The following DENND4A variants were observed in gnomAD, a reference collection of about 807,000 sequenced individuals.
The protein encoded by DENND4A is DENN domain containing 4A.
In DENND4A, 70 loss-of-function variants were observed where a neutral mutation model predicts 199.3. The ratio of observed to expected loss-of-function variants is 0.35; its 90% CI spans 0.29 to 0.43. DENND4A has a LOEUF of 0.43. Ranked by LOEUF, DENND4A falls within the 20% of genes least tolerant of loss-of-function variation. The probability of loss-of-function intolerance (pLI) is 1.00; values close to 1 mark genes in which losing one functional copy is unlikely to be tolerated. For synonymous variants in DENND4A, 686 were observed against 766.9 expected (o/e 0.89, Z 1.74); for missense variants, 1,723 against 2,255.8 (o/e 0.76, Z 4.78).
intron 12 of DENND4A, 111 bp from the exon 13 acceptor site, chr15:65,718,107 G>T: frequency 1.3e-6 from 1 of 759,456 alleles, no homozygotes; most frequent in Non-Finnish European, 2.1e-6. Context: ...TCAACTCTTT[G>T]TTTACATAAC....
At chr15:65,749,364 A>G (rs1335210632) in intron 4 of DENND4A, among the ~76,000 whole-genome samples, 1 of 152,184 alleles carries the variant, frequency 6.6e-6, no homozygotes, top group Non-Finnish European at 1.5e-5. Context: ...TGGGGAGAAA[A>G]TACCTATTCA....
At chr15:65,727,716 T>C (rs950791113) in intron 11 of DENND4A, 1 of 209,130 alleles carries the variant, frequency 4.8e-6, no homozygotes, top group Non-Finnish European at 9.9e-6. Context: ...ATCATAGTTA[T>C]TATAAACATG....
rs970645122 is a variant in DENND4A, at chr15:65,702,781, T to C, written c.2223+92A>G. On this transcript the variant is annotated intron_variant, in intron 16 of 32. Transcript: ENST00000443035. ...GAACATAATAATCTAGTAATAGTTATATATGAAGTGATAAAGCATATTACG... is the reference window on the plus strand; with the variant it reads ...GAACATAATAATCTAGTAATAGTTACATATGAAGTGATAAAGCATATTACG... The C allele has an allele frequency of 1.1e-5, 13 of 1,208,726 alleles. No homozygotes were observed. The South Asian group carries it at 1.3e-4, about 12-fold the overall frequency. The allele number at this position is 1,208,726 out of a possible 1,614,324, so 74.9% of individuals were successfully genotyped here.
Position 65,752,281 on chromosome 15 carries a change from CAAAAAAAAAAAAAAAAAAAA to C in DENND4A, c.561+78_561+97del, listed in dbSNP as rs61418354. On this transcript the variant is annotated intron_variant, in intron 4 of 32. Transcript: ENST00000443035. ...TCTGTAATTAAACTATGCTGTTTTC[CAAAAAAAAAAAAAAAAAAAA>C]AAAAAAAAAAAAGATGTATTTAAAA... is the stretch of plus-strand genomic sequence containing the variant. 8.1e-5 allele frequency: 22 copies of C among 272,674 alleles called. 1 individual carries two copies. Among genetic ancestry groups the C allele is most frequent in the Middle Eastern group, 1.4e-3 (1 of 708 alleles). 16.9% of individuals were successfully genotyped at this position (272,674 alleles called of 1,614,324 possible).
In DENND4A at chr15:65,700,536, A is replaced by G. The variant is rs1255198157; in HGVS notation, c.2833+8T>C. ...CTATAATAAATGTATACATAAGCAT[A>G]CACAAACCTGTACTAGATCTATCAT... On this transcript the variant is annotated splice_region_variant and intron_variant, in intron 20 of 32. Transcript: ENST00000443035. The G allele has an allele frequency of 2.1e-6, 3 of 1,460,890 alleles. No individual in the cohort carries two copies. The highest frequency in any genetic ancestry group is 5.0e-5 in the Admixed American group (2 of 40,310). The allele number at this position is 1,460,890 out of a possible 1,614,324, so 90.5% of individuals were successfully genotyped here.
At chr15:65,754,432 TA>T (rs1353096608) in intron 3 of DENND4A, among the ~76,000 whole-genome samples, 1 of 152,186 alleles carries the variant, frequency 6.6e-6, no homozygotes, top group African/African-American at 2.4e-5. Flanking sequence ...CTGAGCCTTA[TA>T]GTCAGCTATA....
intron 24 of DENND4A, 25 bp from the exon 25 acceptor site, chr15:65,671,911 ACAGAAAC>A (rs1353473750): frequency 1.5e-6 from 2 of 1,341,038 alleles, no homozygotes; most frequent in Non-Finnish European, 2.1e-6. Context: ...AAAACAAAGA[ACAGAAAC>A]CATTAAAATT....
intron 16 of DENND4A, 33 bp from the exon 17 acceptor site, chr15:65,702,544 T>G: frequency 6.6e-7 from 1 of 1,514,748 alleles, no homozygotes; most frequent in Non-Finnish European, 9.0e-7. Flanking sequence ...ACTAATAAAT[T>G]TATGCACTTA....
intron 10 of DENND4A, 88 bp from the exon 11 acceptor site, chr15:65,729,335 A>G: frequency 6.9e-7 from 1 of 1,445,752 alleles, no homozygotes. Flanking sequence ...TCTTTTAAGT[A>G]TTATCTAAAG....
chr15:65,718,122 T>C (rs2075466258), intron 12 of DENND4A, 126 bp from the exon 13 acceptor site: 1 of 697,950 alleles, frequency 1.4e-6, no homozygotes, highest in Non-Finnish European at 2.3e-6. Context: ...CATAACTTAA[T>C]CATACGTAAA....
intron 24 of DENND4A, among the ~76,000 whole-genome samples, chr15:65,674,787 A>G (rs1330665006): frequency 2.6e-5 from 4 of 152,154 alleles, no homozygotes; most frequent in Non-Finnish European, 1.5e-5. Flanking sequence ...TTTAAAATAG[A>G]TAACATAAAA....
chr15:65,725,538 A>G (rs1043780271), intron 11 of DENND4A, among the ~76,000 whole-genome samples: 2 of 152,012 alleles, frequency 1.3e-5, no homozygotes, highest in Non-Finnish European at 2.9e-5. Flanking sequence ...TTAGCCAGGT[A>G]TGGTGGCGGG....
chr15:65,737,549 C>G (rs150891852), intron 7 of DENND4A, among the ~76,000 whole-genome samples, 158 bp downstream of exon 7: 11 of 151,972 alleles, frequency 7.2e-5, no homozygotes, highest in African/African-American at 2.4e-4. Context: ...AGACTACAAA[C>G]ATACAATGGA....
intron 15 of DENND4A, among the ~76,000 whole-genome samples, chr15:65,703,974 T>A (rs1000929360): frequency 6.6e-6 from 1 of 152,252 alleles, no homozygotes; most frequent in Admixed American, 6.5e-5. Context: ...CACATAGTTT[T>A]AATTAAGAAG....
chr15:65,717,736 A>G (rs1205427367), intron 13 of DENND4A, 42 bp downstream of exon 13: 7 of 1,476,670 alleles, frequency 4.7e-6, no homozygotes, highest in East Asian at 2.4e-5. Flanking sequence ...CACAAAGTTA[A>G]GCTCAATAAC....
At chr15:65,729,353 C>A (rs749109830) in intron 10 of DENND4A, 106 bp from the exon 11 acceptor site, 6 of 1,379,102 alleles carry the variant, frequency 4.4e-6, no homozygotes, top group East Asian at 2.5e-5. Context: ...AAGCCTAATG[C>A]CTGATAATGA....
chr15:65,758,010 T>G (rs1324151899), intron 2 of DENND4A, among the ~76,000 whole-genome samples: 1 of 151,858 alleles, frequency 6.6e-6, no homozygotes, highest in Non-Finnish European at 1.5e-5. Context: ...GTTCCCAAGC[T>G]AGTGATTCCC....
At position 65,660,959 on chromosome 15, in the gene DENND4A, G is replaced by A. The variant is rs899833186; in HGVS notation, c.*892C>T. 5.9e-5 allele frequency: 9 copies of A among 152,136 alleles called. No homozygotes were observed. The highest frequency in any genetic ancestry group is 1.9e-4 in the African/African-American group (8 of 41,418). 9.4% of individuals were successfully genotyped at this position (152,136 alleles called of 1,614,324 possible). On this transcript the variant is annotated 3_prime_UTR_variant, in exon 33 of 33. Coordinates refer to ENST00000443035, the MANE Select transcript of DENND4A (RefSeq NM_001320835.1). The stretch of plus-strand genomic sequence containing the variant: ...ATCACTTGTCTGCATATTTCCCAAT[G>A]TAAGTTTTCATGTAGAATATTAAAA...
At chr15:65,767,200 T>G (rs1398973445) in intron 1 of DENND4A, 1 of 152,152 alleles carries the variant, frequency 6.6e-6, no homozygotes, top group East Asian at 1.9e-4. Flanking sequence ...ATCATGGGAT[T>G]TTAGAGCTAG....
Sources: allele counts gnomAD v4.1 joint callset (sites outside exome capture counted in the v4.1 genomes callset), GRCh38; gene constraint gnomAD v4.1.1; transcripts MANE v1.5; gene names NCBI Gene and HGNC (gene_info 2026-07-23, HGNC 2026-07-21).